The following PCBD2 variants were observed in gnomAD, a reference collection of about 807,000 sequenced individuals.
PCBD2 encodes the protein pterin-4 alpha-carbinolamine dehydratase 2.
Under a neutral mutation model 16.4 loss-of-function variants are expected in PCBD2, and 12 were observed. That is an observed-to-expected ratio of 0.73 (90% CI 0.47 to 1.19). PCBD2 has a LOEUF of 1.19. PCBD2 is among the 50% of genes most tolerant of loss of function. The pLI, the probability that PCBD2 is intolerant of heterozygous loss-of-function variation, is 0.00. For synonymous variants in PCBD2, 58 were observed against 61.8 expected (o/e 0.94, Z 0.29); for missense variants, 138 against 156.8 (o/e 0.88, Z 0.64).
intron 2 of PCBD2, among the ~76,000 whole-genome samples, chr5:134,949,731 A>G (rs942347128): frequency 6.6e-6 from 1 of 152,216 alleles, no homozygotes; most frequent in Non-Finnish European, 1.5e-5. Flanking sequence ...TTGGTGAGAC[A>G]TGTAATCATG....
At chr5:134,928,174 G>A (rs1751043118) in intron 2 of PCBD2, 2 of 390,392 alleles carry the variant, frequency 5.1e-6, no homozygotes, top group African/African-American at 2.1e-5. Flanking sequence ...AGAGGGAGTG[G>A]GTGTTGAGGG....
At chr5:134,923,537 A>G (rs77483626) in intron 2 of PCBD2, 4 of 305,728 alleles carry the variant, frequency 1.3e-5, no homozygotes, top group Admixed American at 5.1e-5. Context: ...GGGTGGGACT[A>G]TCTACTGAGT....
intron 2 of PCBD2, among the ~76,000 whole-genome samples, chr5:134,953,384 A>C (rs532335847): frequency 6.7e-6 from 1 of 149,028 alleles, no homozygotes; most frequent in African/African-American, 2.4e-5. Context: ...TATATCGTAT[A>C]TATATATAAT....
chr5:134,923,034 A>G (rs1750925682), intron 2 of PCBD2, among the ~76,000 whole-genome samples: 1 of 152,186 alleles, frequency 6.6e-6, no homozygotes, highest in Non-Finnish European at 1.5e-5. Context: ...GGGTCATGGC[A>G]CTATGGGAAG....
intron 1 of PCBD2, among the ~76,000 whole-genome samples, chr5:134,905,975 C>G (rs1179626762): frequency 6.6e-6 from 1 of 151,990 alleles, no homozygotes; most frequent in African/African-American, 2.4e-5. Flanking sequence ...TGGGTTCACG[C>G]TATTCTCCTG....
At chr5:134,921,928 A>G (rs1398527769) in intron 2 of PCBD2, among the ~76,000 whole-genome samples, 1 of 152,078 alleles carries the variant, frequency 6.6e-6, no homozygotes, top group Non-Finnish European at 1.5e-5. Context: ...CTGCCTTCCA[A>G]TTATATTTTA....
intron 2 of PCBD2, among the ~76,000 whole-genome samples, chr5:134,936,338 C>T (rs1024605073): frequency 5.9e-5 from 9 of 152,212 alleles, no homozygotes; most frequent in African/African-American, 2.2e-4. Flanking sequence ...TGTTTTACCT[C>T]TGCTCCTTCA....
chr5:134,942,812 A>G (rs1312470274), intron 2 of PCBD2, among the ~76,000 whole-genome samples: 1 of 152,180 alleles, frequency 6.6e-6, no homozygotes, highest in African/African-American at 2.4e-5. Flanking sequence ...CAGCCAAGTC[A>G]TACAGCCTGC....
In PCBD2 at chr5:134,924,414, A is replaced by G; in HGVS notation, c.216+13948A>G. ...GGTAAGTGTTTTAGTGGGGTTGGTGATGGAAGTAGGATTAGTGTTATGGGT... is the reference window on the plus strand; with the variant it reads ...GGTAAGTGTTTTAGTGGGGTTGGTGGTGGAAGTAGGATTAGTGTTATGGGT... On this transcript the variant is annotated intron_variant, in intron 2 of 3. Coordinates refer to ENST00000254908, the MANE Select transcript of PCBD2 (RefSeq NM_032151.5). 2 of 396,824 alleles carry G rather than the reference A, an allele frequency of 5.0e-6. 1 individual carries two copies. The highest frequency in any genetic ancestry group is 8.9e-6 in the Non-Finnish European group (2 of 224,956). The allele number at this position is 396,824 out of a possible 1,614,324, so 24.6% of individuals were successfully genotyped here. A position where few individuals can be genotyped will look rare whatever the true frequency, so the allele number is the denominator to read the frequency against.
intron 2 of PCBD2, among the ~76,000 whole-genome samples, chr5:134,930,591 C>T (rs1751081501): frequency 6.6e-6 from 1 of 152,198 alleles, no homozygotes; most frequent in Non-Finnish European, 1.5e-5. Context: ...GCATGCAGTA[C>T]TGAGACATCA....
intron 2 of PCBD2, among the ~76,000 whole-genome samples, chr5:134,920,712 A>G (rs183299767): frequency 1.8e-3 from 277 of 151,836 alleles, no homozygotes; most frequent in African/African-American, 5.8e-3. Flanking sequence ...CTGGAGTGCA[A>G]TGGTGTGATC....
At position 134,922,196 on chromosome 5, in the gene PCBD2, G is replaced by GT. The variant is rs546919133; in HGVS notation, c.216+11737dup. On this transcript the variant is annotated intron_variant, in intron 2 of 3. Coordinates refer to ENST00000254908, the MANE Select transcript of PCBD2 (RefSeq NM_032151.5). Reference sequence around the variant, plus strand: ...AGGCCCTTTTCATCTCAGTTCAGTGGTTTTTTTGTTTTTGTTTTGTTTTGT... The same window carrying GT: ...AGGCCCTTTTCATCTCAGTTCAGTGGTTTTTTTTGTTTTTGTTTTGTTTTGT... Among the ~76,000 whole-genome samples, 857 of 152,206 alleles carry GT rather than the reference G, an allele frequency of 5.6e-3. 9 individuals are homozygous for GT. The highest frequency in any genetic ancestry group is 0.019 in the African/African-American group (801 of 41,514).
In PCBD2 at chr5:134,941,163, A is replaced by G. The variant is rs533340471; in HGVS notation, c.217-17877A>G. ...AAAGAACTTGGTTCCTGAGAAGTCT[A>G]CTTTGAGGATCTTTCCACAGCACAC... On this transcript the variant is annotated intron_variant, in intron 2 of 3. Transcript: ENST00000254908. Among the ~76,000 whole-genome samples, 9 of 150,844 alleles carry G rather than the reference A, an allele frequency of 6.0e-5. No individual in the cohort carries two copies. In the South Asian group the frequency reaches 1.5e-3, roughly 25 times the overall value.
At chr5:134,945,007 A>G (rs1751274349) in intron 2 of PCBD2, among the ~76,000 whole-genome samples, 1 of 152,242 alleles carries the variant, frequency 6.6e-6, no homozygotes, top group Non-Finnish European at 1.5e-5. Context: ...ATAATTTTTT[A>G]TAGGAAAATC....
At chr5:134,940,771 G>C (rs897141175) in intron 2 of PCBD2, among the ~76,000 whole-genome samples, 2 of 152,150 alleles carry the variant, frequency 1.3e-5, no homozygotes, top group Non-Finnish European at 2.9e-5. Flanking sequence ...TGCAGGGGCT[G>C]AGTGTGGAGG....
intron 2 of PCBD2, among the ~76,000 whole-genome samples, chr5:134,914,232 C>T (rs987924317): frequency 1.3e-5 from 2 of 152,002 alleles, no homozygotes; most frequent in Non-Finnish European, 2.9e-5. Flanking sequence ...GCCATTCTCT[C>T]CTGATTGCTT....
At chr5:134,929,007 C>T (rs1751058460) in intron 2 of PCBD2, among the ~76,000 whole-genome samples, 1 of 152,032 alleles carries the variant, frequency 6.6e-6, no homozygotes, top group Non-Finnish European at 1.5e-5. Flanking sequence ...AATTAGAAAG[C>T]CAGAGGTGAG....
intron 2 of PCBD2, among the ~76,000 whole-genome samples, chr5:134,943,259 G>A (rs1200234086): frequency 1.3e-5 from 2 of 152,318 alleles, no homozygotes; most frequent in East Asian, 1.9e-4. Context: ...CATGGTGACC[G>A]AAGCACTTGT....
intron 2 of PCBD2, among the ~76,000 whole-genome samples, chr5:134,919,297 T>C (rs1238166562): frequency 6.6e-6 from 1 of 152,224 alleles, no homozygotes; most frequent in African/African-American, 2.4e-5. Flanking sequence ...TTGCAGATGA[T>C]ATTGGTATGA....
Sources: allele counts gnomAD v4.1 joint callset (sites outside exome capture counted in the v4.1 genomes callset), GRCh38; gene constraint gnomAD v4.1.1; transcripts MANE v1.5; gene names NCBI Gene and HGNC (gene_info 2026-07-23, HGNC 2026-07-21).